The following PODXL2 variants were observed in gnomAD, a reference collection of about 807,000 sequenced individuals.
PODXL2 encodes the protein podocalyxin-like protein 2.
In PODXL2, 17 loss-of-function variants were observed where a neutral mutation model predicts 53.4. That is an observed-to-expected ratio of 0.32 (90% CI 0.22 to 0.48). The LOEUF is 0.48. Among genes scored for constraint, PODXL2 ranks in the 20% least tolerant of loss-of-function variants. The pLI, the probability that PODXL2 is intolerant of heterozygous loss-of-function variation, is 0.99. For missense variants in PODXL2, 673 were observed against 760.0 expected (o/e 0.89, Z 1.35); for synonymous variants, 311 against 306.7 (o/e 1.01, Z -0.15).
chr3:127,633,002 T>A, intron 1 of PODXL2, among the ~76,000 whole-genome samples: 1 of 152,232 alleles, frequency 6.6e-6, no homozygotes, highest in East Asian at 1.9e-4. Context: ...AAAATAACTA[T>A]TAAATAAGTA....
At chr3:127,647,095 G>T (rs2074661775) in intron 2 of PODXL2, among the ~76,000 whole-genome samples, 1 of 152,154 alleles carries the variant, frequency 6.6e-6, no homozygotes, top group Admixed American at 6.6e-5. Flanking sequence ...GTGTGACCTT[G>T]AGTGTGCTGC....
In PODXL2 at chr3:127,660,838, G is replaced by T. The variant is rs1433351294; in HGVS notation, c.810G>T (p.Leu270=). The change falls in exon 3 of 8, where the codon CTG becomes CTT. Residue 270 remains leucine (L), a synonymous_variant. Coordinates refer to ENST00000342480, the MANE Select transcript of PODXL2 (RefSeq NM_015720.4). ...STSQEAEATV[L]PAAGLGVEFE... ...GCCAAGAGGCAGAGGCCACAGTGCT[G>T]CCAGCTGCAGGGCTTGGGGTAGAGT... 1.2e-6 allele frequency: 2 copies of T among 1,614,244 alleles called. No homozygotes were observed. The highest frequency in any genetic ancestry group is 4.5e-5 in the East Asian group (2 of 44,886).
At chr3:127,654,531 G>A (rs1040530122) in intron 2 of PODXL2, among the ~76,000 whole-genome samples, 1 of 152,060 alleles carries the variant, frequency 6.6e-6, no homozygotes, top group Non-Finnish European at 1.5e-5. Flanking sequence ...AGGCCTCCCG[G>A]TAATTCTGTT....
chr3:127,634,197 G>C (rs1339256848), intron 1 of PODXL2, among the ~76,000 whole-genome samples: 1 of 152,118 alleles, frequency 6.6e-6, no homozygotes, highest in Non-Finnish European at 1.5e-5. Flanking sequence ...AGGCCAAGGT[G>C]GGCAGATCAC....
At chr3:127,641,344 G>A (rs2074618631) in intron 2 of PODXL2, among the ~76,000 whole-genome samples, 1 of 150,902 alleles carries the variant, frequency 6.6e-6, no homozygotes, top group South Asian at 2.1e-4. Flanking sequence ...TAGGTAGCAG[G>A]GACCAAAAAT....
At chr3:127,633,479 TG>T (rs2107702509) in intron 1 of PODXL2, among the ~76,000 whole-genome samples, 1 of 140,020 alleles carries the variant, frequency 7.1e-6, no homozygotes, top group South Asian at 2.3e-4. Context: ...ATTTTGTGTG[TG>T]TGTGTGTGTG....
rs1459723112 is a variant in PODXL2 at position 127,671,712 on chromosome 3, G to A, written c.1605+99G>A. ...AGGGGAGGCAGTGACTCTCCTGGGC[G>A]CACAGGGTCCCGTGGGTGAAGCAGC... is the stretch of plus-strand genomic sequence containing the variant. On this transcript the variant is annotated intron_variant, in intron 7 of 7. Coordinates refer to ENST00000342480, the MANE Select transcript of PODXL2 (RefSeq NM_015720.4). 3.0e-5 allele frequency: 36 copies of A among 1,187,676 alleles called. No individual in the cohort carries two copies. In the South Asian group the frequency reaches 3.0e-4, roughly 10 times the overall value. The allele number at this position is 1,187,676 out of a possible 1,614,324, so 73.6% of individuals were successfully genotyped here. A position where few individuals can be genotyped will look rare whatever the true frequency, so the allele number is the denominator to read the frequency against.
At position 127,664,085 on chromosome 3, in the gene PODXL2, G is replaced by A. The variant is rs149878567; in HGVS notation, c.1206+1774G>A. The stretch of plus-strand genomic sequence containing the variant: ...TATATGCACATTGTTGTGGAACAGA[G>A]CCCCAGAACTTTTTCATTTTCAAAG... On this transcript the variant is annotated intron_variant, in intron 4 of 7. Transcript: ENST00000342480. 2.0e-3 allele frequency among the ~76,000 whole-genome samples: 307 copies of A among 152,148 alleles called. 2 individuals carry two copies. The highest frequency in any genetic ancestry group is 3.3e-3 in the Non-Finnish European group (224 of 67,998).
At chr3:127,651,006 C>T (rs1357098074) in intron 2 of PODXL2, among the ~76,000 whole-genome samples, 10 of 152,154 alleles carry the variant, frequency 6.6e-5, no homozygotes, top group Non-Finnish European at 8.8e-5. Context: ...GGCTCACACC[C>T]GTAATCCCAA....
In PODXL2 at chr3:127,672,555, C is replaced by T; in HGVS notation, c.*75C>T. 3.0e-6 allele frequency: 3 copies of T among 995,248 alleles called. No homozygotes were observed. Among genetic ancestry groups the T allele is most frequent in the Middle Eastern group, 3.3e-4 (1 of 2,996 alleles). 61.7% of individuals were successfully genotyped at this position (995,248 alleles called of 1,614,324 possible). On this transcript the variant is annotated 3_prime_UTR_variant, in exon 8 of 8. Coordinates refer to ENST00000342480, the MANE Select transcript of PODXL2 (RefSeq NM_015720.4). ...ACCCCGAAACGGACGGCCCGGAGCC[C>T]GCACCAGCCCCGCGCCTACCCGGGC...
chr3:127,643,266 A>C (rs1355966687), intron 2 of PODXL2, among the ~76,000 whole-genome samples: 1 of 152,136 alleles, frequency 6.6e-6, no homozygotes, highest in East Asian at 1.9e-4. Context: ...GCTGGAGTGC[A>C]ATGGTGTGAT....
intron 1 of PODXL2, among the ~76,000 whole-genome samples, chr3:127,634,146 G>T (rs1470887679): frequency 6.6e-6 from 1 of 151,996 alleles, no homozygotes; most frequent in African/African-American, 2.4e-5. Context: ...AGACCTCTCG[G>T]CCTGTGCAGT....
At chr3:127,650,668 CGTT>C (rs1223514895) in intron 2 of PODXL2, among the ~76,000 whole-genome samples, 3 of 151,662 alleles carry the variant, frequency 2.0e-5, no homozygotes, top group Non-Finnish European at 2.9e-5. Flanking sequence ...TTGTTGTTGT[CGTT>C]GTTGTGACGG....
At chr3:127,644,291 G>A (rs1166359365) in intron 2 of PODXL2, among the ~76,000 whole-genome samples, 3 of 151,964 alleles carry the variant, frequency 2.0e-5, no homozygotes, top group East Asian at 3.9e-4. Context: ...TGTAATTTTA[G>A]TAGAGGTGGG....
intron 1 of PODXL2, among the ~76,000 whole-genome samples, chr3:127,630,953 T>G (rs1165526842): frequency 6.6e-6 from 1 of 152,274 alleles, no homozygotes; most frequent in African/African-American, 2.4e-5. Flanking sequence ...ACTGCCCATG[T>G]GCTTATGTGA....
chr3:127,670,636 G>T (rs778507821), intron 6 of PODXL2, among the ~76,000 whole-genome samples: 7 of 152,198 alleles, frequency 4.6e-5, no homozygotes, highest in Non-Finnish European at 8.8e-5. Context: ...AGAAACCGGG[G>T]AAGAGCTGCA....
chr3:127,641,617 G>A (rs780283973), intron 2 of PODXL2, among the ~76,000 whole-genome samples: 17 of 151,986 alleles, frequency 1.1e-4, no homozygotes, highest in Non-Finnish European at 2.2e-4. Context: ...AGGTTCAAGC[G>A]GTTGTCCTGC....
Position 127,629,550 on chromosome 3 carries a change from C to G in PODXL2, c.70+261C>G, listed in dbSNP as rs1233225009. On this transcript the variant is annotated intron_variant, in intron 1 of 7. Coordinates refer to ENST00000342480, the MANE Select transcript of PODXL2 (RefSeq NM_015720.4). The surrounding 1 kb of genome is among the most constrained non-coding windows in gnomAD (Gnocchi z 6.4). ...GGACACAGCACCGTGGCCCCCACGCCGCGGCTCTCAGGGGCAGGTGCGCAG... is the reference window on the plus strand; with the variant it reads ...GGACACAGCACCGTGGCCCCCACGCGGCGGCTCTCAGGGGCAGGTGCGCAG... 6.6e-6 allele frequency among the ~76,000 whole-genome samples: 1 copy of G among 151,494 alleles called. No individual in the cohort carries two copies. Among genetic ancestry groups the G allele is most frequent in the Non-Finnish European group, 1.5e-5 (1 of 67,834 alleles).
chr3:127,630,974 G>A (rs1475281415), intron 1 of PODXL2, among the ~76,000 whole-genome samples: 2 of 152,340 alleles, frequency 1.3e-5, no homozygotes, highest in Non-Finnish European at 2.9e-5. Context: ...CCAGCTGTGA[G>A]GACTGCAGGC....
Sources: gnomAD v4.1 joint callset for allele counts (sites outside exome capture counted in the v4.1 genomes callset) on GRCh38, gnomAD v4.1.1 for gene constraint, Gnocchi (gnomAD v3.1) non-coding constraint, MANE v1.5 for transcripts, NCBI Gene and HGNC (gene_info 2026-07-23, HGNC 2026-07-21) for gene names.